The following ST3GAL3 variants were observed in gnomAD, a reference collection of about 807,000 sequenced individuals.
ST3GAL3 encodes the protein ST3 beta-galactoside alpha-2,3-sialyltransferase 3.
A neutral mutation model predicts 50.1 loss-of-function variants in ST3GAL3; 21 were observed. That is an observed-to-expected ratio of 0.42 (90% confidence interval 0.30 to 0.60). The LOEUF is 0.60. Ranked by LOEUF, ST3GAL3 falls within the 20% of genes least tolerant of loss-of-function variation. The probability of loss-of-function intolerance (pLI) is 0.19; values close to 1 mark genes in which losing one functional copy is unlikely to be tolerated. For missense variants in ST3GAL3, 353 were observed against 489.4 expected, an observed-to-expected ratio of 0.72 and a Z score of 2.63; for synonymous variants, 183 against 190.0, an observed-to-expected ratio of 0.96 and a Z score of 0.30.
intron 2 of ST3GAL3, among the ~76,000 whole-genome samples, chr1:43,762,929 G>T (rs1319131419): frequency 6.6e-6 from 1 of 152,122 alleles, no homozygotes; most frequent in Non-Finnish European, 1.5e-5. Context: ...CAGCCAGACA[G>T]ATAGGAGGGA....
intron 5 of ST3GAL3, chr1:43,850,677 A>G: frequency 1.4e-6 from 1 of 727,434 alleles, no homozygotes; most frequent in Non-Finnish European, 2.5e-6. Context: ...CACGAGGATC[A>G]AATGTTTATC....
At chr1:43,892,021 G>A (rs2076754050) in intron 5 of ST3GAL3, among the ~76,000 whole-genome samples, 1 of 152,182 alleles carries the variant, frequency 6.6e-6, no homozygotes, top group African/African-American at 2.4e-5. Flanking sequence ...TCAGCTCACT[G>A]CAACCTCTAC....
chr1:43,733,766 A>G (rs539983003), intron 1 of ST3GAL3, among the ~76,000 whole-genome samples: 3 of 152,372 alleles, frequency 2.0e-5, no homozygotes, highest in Non-Finnish European at 2.9e-5. Context: ...AACTGAATTT[A>G]TAGAAAACTC....
At chr1:43,921,443 C>G in intron 11 of ST3GAL3, 1 of 407,742 alleles carries the variant, frequency 2.5e-6, no homozygotes, top group Non-Finnish European at 4.3e-6. Context: ...CCCTCCCTAG[C>G]CAAGACCCCA....
chr1:43,728,010 CT>C (rs759305095), intron 1 of ST3GAL3, among the ~76,000 whole-genome samples: 2 of 151,964 alleles, frequency 1.3e-5, no homozygotes, highest in African/African-American at 2.4e-5. Context: ...TTTTTCAACC[CT>C]TGCGCCTTCA....
At chr1:43,894,200 C>T (rs2154266857) in intron 5 of ST3GAL3, 183 bp from the exon 6 acceptor site, 3 of 668,344 alleles carry the variant, frequency 4.5e-6, no homozygotes, top group South Asian at 1.6e-5. Flanking sequence ...ACTCAGGCTC[C>T]ACTGAACAAG....
rs76146177 is a variant in ST3GAL3 at position 43,930,770 on chromosome 1, C to T, written c.*549C>T. The T allele has an allele frequency of 5.5e-4, 115 of 209,052 alleles. No homozygotes were observed. The highest frequency in any genetic ancestry group is 2.6e-3 in the African/African-American group (112 of 43,642). The allele number at this position is 209,052 out of a possible 1,614,324, so 12.9% of individuals were successfully genotyped here. On this transcript the variant is annotated 3_prime_UTR_variant, in exon 12 of 12. Coordinates refer to ENST00000347631, the MANE Select transcript of ST3GAL3 (RefSeq NM_006279.5). ...GATCTCAAGCCAGCCCCCTCCAGCT[C>T]ATGACACTGTTTGGCCTTTCTTGGG...
chr1:43,735,589 T>C (rs989836812), intron 1 of ST3GAL3, among the ~76,000 whole-genome samples: 1 of 152,200 alleles, frequency 6.6e-6, no homozygotes, highest in African/African-American at 2.4e-5. Context: ...GGAAGTGGAT[T>C]CTTCTCCAGG....
At chr1:43,835,373 T>A (rs1479839786) in intron 4 of ST3GAL3, among the ~76,000 whole-genome samples, 3 of 152,168 alleles carry the variant, frequency 2.0e-5, no homozygotes, top group Non-Finnish European at 4.4e-5. Context: ...ACTGGGATAG[T>A]CAGGAGGCCA....
At chr1:43,748,727 T>C (rs1684873498) in intron 2 of ST3GAL3, among the ~76,000 whole-genome samples, 1 of 152,220 alleles carries the variant, frequency 6.6e-6, no homozygotes, top group Admixed American at 6.5e-5. Context: ...CAGACCTGTT[T>C]TTAATTTTTA....
At chr1:43,882,136 G>A (rs2075248285) in intron 5 of ST3GAL3, among the ~76,000 whole-genome samples, 1 of 152,238 alleles carries the variant, frequency 6.6e-6, no homozygotes, top group African/African-American at 2.4e-5. Flanking sequence ...GGTTTGGTCA[G>A]CCCTGTGTGG....
At chr1:43,916,378 C>T (rs2081805677) in intron 9 of ST3GAL3, among the ~76,000 whole-genome samples, 1 of 152,064 alleles carries the variant, frequency 6.6e-6, no homozygotes, top group Non-Finnish European at 1.5e-5. Context: ...CAGATAGACT[C>T]GAACTTGATG....
At chr1:43,778,812 A>T (rs1377553471) in intron 2 of ST3GAL3, among the ~76,000 whole-genome samples, 1 of 150,632 alleles carries the variant, frequency 6.6e-6, no homozygotes, top group Non-Finnish European at 1.5e-5. Flanking sequence ...CGCCCGGCTA[A>T]TTTTTTTTGT....
chr1:43,747,015 C>T (rs898809195), intron 2 of ST3GAL3, among the ~76,000 whole-genome samples: 3 of 152,096 alleles, frequency 2.0e-5, no homozygotes, highest in Non-Finnish European at 4.4e-5. Flanking sequence ...ATCCACCTGC[C>T]TCAGCCTCCC....
chr1:43,776,299 T>C (rs1296925647), intron 2 of ST3GAL3, among the ~76,000 whole-genome samples: 2 of 152,158 alleles, frequency 1.3e-5, no homozygotes, highest in African/African-American at 4.8e-5. Flanking sequence ...TCCATATAAA[T>C]AGAACCATAT....
intron 5 of ST3GAL3, chr1:43,879,403 C>T (rs143370325): frequency 4.6e-4 from 208 of 456,130 alleles, no homozygotes; most frequent in African/African-American, 3.7e-3. Flanking sequence ...CTGGCCTCCT[C>T]GAGAGAATGG....
intron 4 of ST3GAL3, among the ~76,000 whole-genome samples, chr1:43,827,910 C>G (rs778017147): frequency 1.3e-5 from 2 of 151,976 alleles, no homozygotes; most frequent in Non-Finnish European, 2.9e-5. Context: ...CAACAACTTA[C>G]GTTAAAATTT....
At chr1:43,731,358 C>G (rs567548973) in intron 1 of ST3GAL3, among the ~76,000 whole-genome samples, 1 of 149,618 alleles carries the variant, frequency 6.7e-6, no homozygotes, top group South Asian at 2.1e-4. Context: ...ACTACAGGTG[C>G]GTGCCACCGC....
Position 43,794,113 on chromosome 1 carries a change from AAGAG to A in ST3GAL3, c.166+1971_166+1974del, listed in dbSNP as rs1211872884. 3.3e-5 allele frequency among the ~76,000 whole-genome samples: 5 copies of A among 151,866 alleles called. No individual in the cohort carries two copies. In the East Asian group the frequency reaches 9.6e-4, roughly 29 times the overall value. ...AAAAAAAAAAAAAAAAGAAGGAAAA[AAGAG>A]AGAGAGTGAAAGGAAATCCAGAGTG... On this transcript the variant is annotated intron_variant, in intron 3 of 11. Coordinates refer to ENST00000347631, the MANE Select transcript of ST3GAL3 (RefSeq NM_006279.5).
Sources: allele counts gnomAD v4.1 joint callset (sites outside exome capture counted in the v4.1 genomes callset), GRCh38; gene constraint gnomAD v4.1.1; transcripts MANE v1.5; gene names NCBI Gene and HGNC (gene_info 2026-07-23, HGNC 2026-07-21).